Variants in PRDM1 observed in about 807,000 individuals in gnomAD.
PRDM1 encodes the protein PR/SET domain 1, also known as PR domain zinc finger protein 1.
Under a neutral mutation model 62.8 loss-of-function variants are expected in PRDM1, and 13 were observed. The observed-to-expected ratio is 0.21, with a 90% confidence interval of 0.13 to 0.33. PRDM1 has a LOEUF of 0.33. PRDM1 is among the 10% of genes least tolerant of loss of function. The pLI is 1.00. For missense variants in PRDM1, 895 were observed against 1,058.8 expected (o/e 0.85, Z 2.15); for synonymous variants, 396 against 417.6 (o/e 0.95, Z 0.63).
chr6:106,079,024 G>A (rs572850687), intron 1 of PRDM1, among the ~76,000 whole-genome samples: 3 of 151,682 alleles, frequency 2.0e-5, no homozygotes, highest in African/African-American at 4.8e-5. Flanking sequence ...GCAGTGGCGC[G>A]ATCTCAGCTT....
Position 105,994,718 on chromosome 6 carries a change from C to A in PRDM1, c.-67+1079C>A, listed in dbSNP as rs2114536530. Among the ~76,000 whole-genome samples, 1 of 152,338 alleles carries A rather than the reference C, an allele frequency of 6.6e-6. No homozygotes were observed. Among genetic ancestry groups the A allele is most frequent in the East Asian group, 1.9e-4 (1 of 5,178 alleles). ...CTTCCAGATAAATCTTTGCCCGGAT[C>A]CTCCTGCGGTCAAAGCATCAGTCCT... On this transcript the variant is annotated intron_variant, in intron 1 of 6. Coordinates refer to the PRDM1 transcript ENST00000652320. The surrounding 1 kb of genome is among the most constrained non-coding windows in gnomAD (Gnocchi z 4.1).
intron 1 of PRDM1, among the ~76,000 whole-genome samples, chr6:106,031,216 G>A (rs1453707800): frequency 6.6e-6 from 1 of 152,076 alleles, no homozygotes; most frequent in Admixed American, 6.6e-5. Context: ...ATATACATAA[G>A]CCAGAAATAA....
intron 1 of PRDM1, among the ~76,000 whole-genome samples, chr6:106,041,062 G>A (rs1472849195): frequency 6.6e-6 from 1 of 152,130 alleles, no homozygotes; most frequent in East Asian, 1.9e-4. Context: ...TTCTGAAGGT[G>A]GACCGCTTGG....
chr6:106,004,057 G>C (rs1414121573), intron 1 of PRDM1, among the ~76,000 whole-genome samples: 1 of 152,018 alleles, frequency 6.6e-6, no homozygotes, highest in Non-Finnish European at 1.5e-5. Context: ...ATCTATATCT[G>C]AGAGTACAAA....
chr6:106,069,568 C>T (rs971076488), intron 1 of PRDM1, among the ~76,000 whole-genome samples: 2 of 152,164 alleles, frequency 1.3e-5, no homozygotes, highest in Non-Finnish European at 2.9e-5. Context: ...ATGACGGCAT[C>T]GCCTCACTCT....
intron 1 of PRDM1, among the ~76,000 whole-genome samples, chr6:106,057,483 G>A (rs991709548): frequency 1.4e-4 from 21 of 152,084 alleles, no homozygotes; most frequent in African/African-American, 4.8e-4. Context: ...TTTTTGGTTT[G>A]GAATGCATAC....
chr6:106,059,128 A>G (rs940089229), intron 1 of PRDM1, among the ~76,000 whole-genome samples: 5 of 152,146 alleles, frequency 3.3e-5, no homozygotes, highest in Non-Finnish European at 7.3e-5. Context: ...TGTAACCCCA[A>G]TAGGGGTTAC....
intron 2 of PRDM1, among the ~76,000 whole-genome samples, chr6:106,094,747 A>T (rs569317309): frequency 6.6e-6 from 1 of 151,954 alleles, no homozygotes; most frequent in South Asian, 2.1e-4. Context: ...AACAATAACA[A>T]CAAAAATTAG....
chr6:106,105,994 C>G (rs1008009387), intron 5 of PRDM1, 61 bp downstream of exon 5: 41 of 1,550,312 alleles, frequency 2.6e-5, no homozygotes, highest in African/African-American at 4.1e-5. Context: ...TTGTATTTAG[C>G]TTGCTTTCCA....
At chr6:106,039,975 G>A (rs919344886) in intron 1 of PRDM1, among the ~76,000 whole-genome samples, 6 of 152,110 alleles carry the variant, frequency 3.9e-5, no homozygotes, top group Admixed American at 6.5e-5. Flanking sequence ...TAAATTCTCC[G>A]TCTCCATCCC....
intron 2 of PRDM1, among the ~76,000 whole-genome samples, chr6:106,089,441 C>A (rs1373695047): frequency 6.6e-6 from 1 of 152,152 alleles, no homozygotes; most frequent in Non-Finnish European, 1.5e-5. Flanking sequence ...AATCACTTTC[C>A]CCCTTCCCTA....
At chr6:106,063,611 A>G (rs987556355) in intron 1 of PRDM1, among the ~76,000 whole-genome samples, 15 of 152,210 alleles carry the variant, frequency 9.9e-5, no homozygotes, top group Non-Finnish European at 1.6e-4. Context: ...ATTATGATCA[A>G]TCCCCAAAAT....
upstream of PRDM1, chr6:106,045,324 T>C (rs1343834860): frequency 6.6e-6 from 1 of 152,178 alleles, no homozygotes; most frequent in Non-Finnish European, 1.5e-5. Context: ...GTCCACACTT[T>C]TACTGCTTTC....
chr6:106,099,228 G>T (rs1582471412), intron 3 of PRDM1, 72 bp from the exon 4 acceptor site: 1 of 1,607,674 alleles, frequency 6.2e-7, no homozygotes, highest in Non-Finnish European at 8.5e-7. Flanking sequence ...TACCGGCTGT[G>T]TTTATTCTGA....
upstream of PRDM1, among the ~76,000 whole-genome samples, chr6:106,081,388 T>C (rs984864644): frequency 6.6e-6 from 1 of 152,206 alleles, no homozygotes; most frequent in African/African-American, 2.4e-5. Context: ...CTGATTTTGC[T>C]CCCTGAGCTG....
At chr6:106,092,991 T>C (rs1003241915) in intron 2 of PRDM1, among the ~76,000 whole-genome samples, 41 of 152,360 alleles carry the variant, frequency 2.7e-4, no homozygotes, top group African/African-American at 9.9e-4. Context: ...GTCCCTTTCC[T>C]AATGATAAGC....
intron 2 of PRDM1, among the ~76,000 whole-genome samples, chr6:106,089,930 C>T (rs1368615087): frequency 6.6e-6 from 1 of 152,236 alleles, no homozygotes; most frequent in Non-Finnish European, 1.5e-5. Flanking sequence ...AATCTCCATT[C>T]TGTGGGTCAT....
At chr6:106,064,138 A>C (rs2114595184) in intron 1 of PRDM1, among the ~76,000 whole-genome samples, 1 of 152,346 alleles carries the variant, frequency 6.6e-6, no homozygotes, top group Middle Eastern at 3.4e-3. Context: ...AGGTAGGATT[A>C]AACAGTAGTT....
chr6:105,996,839 T>C (rs892513956), intron 1 of PRDM1, among the ~76,000 whole-genome samples: 11 of 152,240 alleles, frequency 7.2e-5, no homozygotes, highest in African/African-American at 2.7e-4. Context: ...CCTATGTTTC[T>C]GACACAAATT....
Sources: allele counts gnomAD v4.1 joint callset (sites outside exome capture counted in the v4.1 genomes callset), GRCh38; gene constraint gnomAD v4.1.1; non-coding constraint Gnocchi (gnomAD v3.1); transcripts MANE v1.5; gene names NCBI Gene and HGNC (gene_info 2026-07-23, HGNC 2026-07-21).